The following ZNF268 variants were observed in gnomAD, a reference collection of about 807,000 sequenced individuals.
ZNF268 encodes the protein zinc finger protein 3.
Under a neutral mutation model 29.3 loss-of-function variants are expected in ZNF268, and 20 were observed. That is an observed-to-expected ratio of 0.68 (90% CI 0.48 to 0.99). The LOEUF (loss-of-function observed/expected upper bound fraction) is 0.99, where lower values mean the gene tolerates loss of function less well. Ranked by LOEUF, ZNF268 falls within the 50% of genes least tolerant of loss-of-function variation. ZNF268 has a pLI of 0.00. For synonymous variants in ZNF268, 429 were observed against 376.9 expected, an observed-to-expected ratio of 1.14 and a Z score of -1.60; for missense variants, 1,240 against 1,121.6, an observed-to-expected ratio of 1.11 and a Z score of -1.51.
intron 5 of ZNF268, among the ~76,000 whole-genome samples, chr12:133,199,543 G>C (rs1430961975): frequency 6.6e-6 from 1 of 151,698 alleles, no homozygotes; most frequent in Non-Finnish European, 1.5e-5. Flanking sequence ...GGATGATGCT[G>C]GCCTCAGAAA....
chr12:133,192,534 A>G (rs1339476663), intron 5 of ZNF268, among the ~76,000 whole-genome samples: 1 of 151,942 alleles, frequency 6.6e-6, no homozygotes, highest in Non-Finnish European at 1.5e-5. Flanking sequence ...TGTGACTCTC[A>G]TGATCCTTCC....
Position 133,191,548 on chromosome 12 carries a change from A to G in ZNF268, c.294A>G (p.Leu98=), listed in dbSNP as rs1416964456. ...TTACCTGGGAGGAGTGGCAGCTGCT[A>G]GACCCAGCACAGAAGTGCCTGTACA... is the stretch of plus-strand genomic sequence containing the variant. ...VDFTWEEWQL[L]DPAQKCLYRS... is the part of the protein sequence containing the mutation. The change falls in exon 4 of 6, where the codon CTA becomes CTG. Residue 98 remains leucine, a synonymous_variant. Transcript: ENST00000536435. The G allele has an allele frequency of 6.2e-7, 1 of 1,614,034 alleles. No homozygotes were observed. Among genetic ancestry groups the G allele is most frequent in the African/African-American group, 1.3e-5 (1 of 75,038 alleles).
Position 133,203,613 on chromosome 12 carries a change from A to G in ZNF268, c.1927A>G (p.Asn643Asp). The G allele has an allele frequency of 6.4e-7, 1 of 1,569,180 alleles. No individual in the cohort carries two copies. The highest frequency in any genetic ancestry group is 2.3e-5 in the East Asian group (1 of 42,620). ...TACAGGAGAGAAACCCTATAGTTGT[A>G]ATGAATGTGGAAAAGCCTTTACGTT... ...THTGEKPYSC[N>D]ECGKAFTFKS... Residue 643 changes from asparagine to aspartate, a missense_variant, in exon 6 of 6, where the codon AAT (asparagine) becomes GAT (aspartate). Asn to Asp is a conservative substitution (Grantham distance 23). Around this residue, in one of 3 missense-constraint regions of ZNF268, gnomAD observed 1,177 missense variants for 1,039.6 expected, o/e 1.13. Coordinates refer to ENST00000536435, the MANE Select transcript of ZNF268 (RefSeq NM_003415.3).
chr12:133,188,187 A>C (rs1448387583), intron 3 of ZNF268, 115 bp downstream of exon 3: 6 of 970,578 alleles, frequency 6.2e-6, no homozygotes, highest in Non-Finnish European at 8.9e-6. Context: ...TCCTCAGTTC[A>C]GTTCAAAACC....
chr12:133,193,644 TAATACCACCACA>T, intron 5 of ZNF268: 1 of 459,258 alleles, frequency 2.2e-6, no homozygotes, highest in Non-Finnish European at 3.9e-6. Context: ...AATCTTCTCT[TAATACCACCACA>T]ATGGGGAGTA....
intron 5 of ZNF268, among the ~76,000 whole-genome samples, chr12:133,192,220 G>A (rs1019398314): frequency 8.6e-5 from 13 of 150,718 alleles, no homozygotes; most frequent in Middle Eastern, 3.2e-3. Flanking sequence ...CAATTCTTCC[G>A]TGTCAGCCTC....
chr12:133,189,669 G>C (rs78350471), intron 3 of ZNF268, among the ~76,000 whole-genome samples: 2 of 152,112 alleles, frequency 1.3e-5, no homozygotes. Flanking sequence ...ATAAACAGTC[G>C]TGTCATCTTC....
In ZNF268 at chr12:133,212,692, C is replaced by G. The variant is rs1179269492; in HGVS notation, c.*8162C>G. The G allele has an allele frequency of 3.3e-5, 5 of 151,872 alleles. No individual in the cohort carries two copies. 9.4% of individuals were successfully genotyped at this position (151,872 alleles called of 1,614,324 possible). On this transcript the variant is annotated 3_prime_UTR_variant, in exon 6 of 6. Transcript: ENST00000536435. ...ATTCCACCAGCAGTGCACAAGGCTT[C>G]CAATTTCTCCACATACTTGCCAATA...
intron 5 of ZNF268, among the ~76,000 whole-genome samples, chr12:133,196,440 T>C (rs571427418): frequency 6.6e-6 from 1 of 152,144 alleles, no homozygotes; most frequent in South Asian, 2.1e-4. Context: ...GCCATTATTG[T>C]TACAAAGAGC....
Position 133,206,802 on chromosome 12 carries a change from A to G in ZNF268, c.*2272A>G, listed in dbSNP as rs1566393633. 1 of 152,374 alleles carries G rather than the reference A, an allele frequency of 6.6e-6. No homozygotes were observed. The highest frequency in any genetic ancestry group is 1.9e-4 in the East Asian group (1 of 5,190). The allele number at this position is 152,374 out of a possible 1,614,324, so 9.4% of individuals were successfully genotyped here. A position where few individuals can be genotyped will look rare whatever the true frequency, so the allele number is the denominator to read the frequency against. ...TCACAGAAGGGAAGGGACATCTTACATAAACAAATAATCGCAGATACTTGC... is the reference window on the plus strand; with the variant it reads ...TCACAGAAGGGAAGGGACATCTTACGTAAACAAATAATCGCAGATACTTGC... On this transcript the variant is annotated 3_prime_UTR_variant, in exon 6 of 6. Coordinates refer to ENST00000536435, the MANE Select transcript of ZNF268 (RefSeq NM_003415.3).
rs996071782 is a variant in ZNF268, at chr12:133,204,502, A to G, written c.2816A>G (p.Gln939Arg). The G allele has an allele frequency of 4.6e-6, 7 of 1,527,400 alleles. No homozygotes were observed. In the East Asian group the frequency reaches 1.5e-4, roughly 32 times the overall value. 94.6% of individuals were successfully genotyped at this position (1,527,400 alleles called of 1,614,324 possible). ...TGGAAGTCACAGCTCATTATGCATCAGAGAACTCATGTAGATGACAAACAT... is the reference window on the plus strand; with the variant it reads ...TGGAAGTCACAGCTCATTATGCATCGGAGAACTCATGTAGATGACAAACAT... Reference protein sequence around the residue: ...FCWKSQLIMHQRTHVDDKH With the variant: ...FCWKSQLIMHRRTHVDDKH The change falls in exon 6 of 6, where the codon CAG becomes CGG. Residue 939 changes from glutamine to arginine, a missense_variant. By Grantham distance (43) the Gln-to-Arg change is conservative. This residue lies in a region of ZNF268 where 1,177 missense variants were observed against 1,039.6 expected (regional missense o/e 1.13). Coordinates refer to ENST00000536435, the MANE Select transcript of ZNF268 (RefSeq NM_003415.3).
chr12:133,199,990 A>G (rs1956711384), intron 5 of ZNF268, among the ~76,000 whole-genome samples: 2 of 152,116 alleles, frequency 1.3e-5, no homozygotes, highest in South Asian at 4.1e-4. Context: ...TCCTGGATTC[A>G]TTAATTTTTT....
intron 4 of ZNF268, 68 bp from the exon 5 acceptor site, chr12:133,191,840 C>T (rs1360459072): frequency 6.3e-7 from 1 of 1,575,398 alleles, no homozygotes; most frequent in Non-Finnish European, 8.7e-7. Flanking sequence ...CCAAATCTTT[C>T]CCGTTCTTCA....
chr12:133,213,004 C>G lies in ZNF268; in HGVS notation c.*8474C>G, dbSNP rs1337285767. ...AGCTGGGATTACAGGCATGTGCCAC[C>G]ATGTATGGCTATTTTTTGTATTTTT... On this transcript the variant is annotated 3_prime_UTR_variant, in exon 6 of 6. Transcript: ENST00000536435. The G allele has an allele frequency of 1.3e-5, 2 of 152,126 alleles. No individual in the cohort carries two copies. Among genetic ancestry groups the G allele is most frequent in the Non-Finnish European group, 2.9e-5 (2 of 68,018 alleles). 9.4% of individuals were successfully genotyped at this position (152,126 alleles called of 1,614,324 possible). A position where few individuals can be genotyped will look rare whatever the true frequency, so the allele number is the denominator to read the frequency against.
chr12:133,191,434 T>G, intron 3 of ZNF268, 55 bp from the exon 4 acceptor site: 1 of 1,610,660 alleles, frequency 6.2e-7, no homozygotes, highest in East Asian at 2.2e-5. Flanking sequence ...AAACAGCTAG[T>G]TTTCCACAAA....
In ZNF268 at chr12:133,202,237, T is replaced by G. The variant is rs1387766151; in HGVS notation, c.551T>G (p.Phe184Cys). 3.1e-6 allele frequency: 5 copies of G among 1,612,028 alleles called. No homozygotes were observed. The highest frequency in any genetic ancestry group is 4.2e-6 in the Non-Finnish European group (5 of 1,179,068). Residue 184 changes from phenylalanine to cysteine, a missense_variant, in exon 6 of 6, where the codon TTT (phenylalanine) becomes TGT (cysteine). By Grantham distance (205) the Phe-to-Cys change is radical. Coordinates refer to ENST00000536435, the MANE Select transcript of ZNF268 (RefSeq NM_003415.3). The part of the protein sequence containing the change: ...STAKSFECTT[F>C]GKLCLLSTKY... The stretch of plus-strand genomic sequence containing the variant: ...GCAAAAAGCTTTGAATGCACTACAT[T>G]TGGAAAACTATGTCTTCTTAGTACA...
At chr12:133,183,310 A>G (rs1956223847) in intron 2 of ZNF268, among the ~76,000 whole-genome samples, 1 of 152,004 alleles carries the variant, frequency 6.6e-6, no homozygotes, top group East Asian at 1.9e-4. Flanking sequence ...AAGAGAATAT[A>G]AGGGTTTAAG....
chr12:133,193,546 G>A, intron 5 of ZNF268: 1 of 661,602 alleles, frequency 1.5e-6, no homozygotes, highest in South Asian at 1.7e-5. Context: ...GAGGAACACT[G>A]TGGGACAGAA....
chr12:133,195,997 A>G (rs1407673976), intron 5 of ZNF268, among the ~76,000 whole-genome samples: 1 of 145,018 alleles, frequency 6.9e-6, no homozygotes, highest in Non-Finnish European at 1.5e-5. Context: ...GGCATGAACC[A>G]CTATGCCCGG....
Sources: allele counts gnomAD v4.1 joint callset (sites outside exome capture counted in the v4.1 genomes callset), GRCh38; gene constraint gnomAD v4.1.1; regional missense constraint gnomAD v4.1.1; transcripts MANE v1.5; gene names NCBI Gene and HGNC (gene_info 2026-07-23, HGNC 2026-07-21).